Variants in SH2D4B observed in about 807,000 individuals in gnomAD.
SH2D4B encodes SH2 domain-containing protein 4B.
Under a neutral mutation model 61.5 loss-of-function variants are expected in SH2D4B, and 45 were observed. The observed-to-expected ratio is 0.73, with a 90% CI of 0.58 to 0.94. The LOEUF is 0.94. SH2D4B is among the 40% of genes least tolerant of loss of function. The probability of loss-of-function intolerance (pLI) is 0.00; values close to 1 mark genes in which losing one functional copy is unlikely to be tolerated. For synonymous variants in SH2D4B, 224 were observed against 220.4 expected, an observed-to-expected ratio of 1.02 and a Z score of -0.14; for missense variants, 572 against 574.2, an observed-to-expected ratio of 1.00 and a Z score of 0.04.
intron 1 of SH2D4B, among the ~76,000 whole-genome samples, chr10:80,544,777 A>G (rs1454723731): frequency 1.3e-5 from 2 of 152,196 alleles, no homozygotes; most frequent in East Asian, 3.8e-4. Flanking sequence ...AGACCTTTGG[A>G]CACACGAGTT....
At chr10:80,605,546 ACT>A (rs1187099923) in intron 5 of SH2D4B, among the ~76,000 whole-genome samples, 1 of 151,994 alleles carries the variant, frequency 6.6e-6, no homozygotes, top group Non-Finnish European at 1.5e-5. Flanking sequence ...ACGGAGTCTC[ACT>A]CTGTCTCCCA....
intron 3 of SH2D4B, among the ~76,000 whole-genome samples, chr10:80,585,194 C>T (rs1842229066): frequency 2.0e-5 from 3 of 152,194 alleles, no homozygotes; most frequent in Admixed American, 2.0e-4. Flanking sequence ...TTTATCCAGA[C>T]TTAAGGTTAA....
intron 6 of SH2D4B, among the ~76,000 whole-genome samples, chr10:80,613,195 G>C (rs1247913010): frequency 6.6e-6 from 1 of 152,184 alleles, no homozygotes; most frequent in Non-Finnish European, 1.5e-5. Context: ...GTTACAAAGA[G>C]TGATAGTAAT....
At chr10:80,565,395 T>A (rs1841952908) in intron 1 of SH2D4B, among the ~76,000 whole-genome samples, 1 of 151,510 alleles carries the variant, frequency 6.6e-6, no homozygotes, top group Non-Finnish European at 1.5e-5. Flanking sequence ...TTTTCCTTTT[T>A]TTTTTTCTTT....
intron 3 of SH2D4B, among the ~76,000 whole-genome samples, chr10:80,587,010 C>T (rs370191653): frequency 5.3e-5 from 8 of 152,002 alleles, no homozygotes; most frequent in Admixed American, 2.6e-4. Flanking sequence ...CGAACACATC[C>T]GAACATCAGA....
intron 1 of SH2D4B, among the ~76,000 whole-genome samples, chr10:80,568,859 T>C (rs1842003981): frequency 2.0e-5 from 3 of 152,196 alleles, no homozygotes. Context: ...TAATGTTCTA[T>C]TTTTCAACCT....
At position 80,571,254 on chromosome 10, in the gene SH2D4B, A is replaced by G. The variant is rs78367658; in HGVS notation, c.348-177A>G. On this transcript the variant is annotated intron_variant, in intron 2 of 7. Coordinates refer to ENST00000646907, the MANE Select transcript of SH2D4B (RefSeq NM_001388272.1). Reference sequence around the variant, plus strand: ...CTAGCATAGTTTTCCTGGCTTCCAGAACAATTGTGCCGATTTACACTCCCA... The same window carrying G: ...CTAGCATAGTTTTCCTGGCTTCCAGGACAATTGTGCCGATTTACACTCCCA... 1.2e-3 allele frequency among the ~76,000 whole-genome samples: 179 copies of G among 152,328 alleles called. 2 individuals are homozygous for G. In the East Asian group the frequency reaches 0.031, roughly 27 times the overall value.
At chr10:80,555,707 C>T (rs1162683595) in intron 1 of SH2D4B, among the ~76,000 whole-genome samples, 1 of 152,174 alleles carries the variant, frequency 6.6e-6, no homozygotes, top group Non-Finnish European at 1.5e-5. Flanking sequence ...CTGAAGCTTT[C>T]CTAGTTTTAA....
rs894982446 is a variant in SH2D4B at position 80,538,791 on chromosome 10, G to A, written c.184+276G>A. ...CTTTGTCTTGTTGTGGAAGGCCCGA[G>A]TTCTGGGAAGACACCATTGAGACTT... On this transcript the variant is annotated intron_variant, in intron 1 of 7. Coordinates refer to ENST00000646907, the MANE Select transcript of SH2D4B (RefSeq NM_001388272.1). This position sits in a 1 kb window ranked among gnomAD's most constrained non-coding sequence, Gnocchi z 4.8. Among the ~76,000 whole-genome samples the A allele has an allele frequency of 1.3e-5, 2 of 152,248 alleles. No homozygotes were observed. The highest frequency in any genetic ancestry group is 4.8e-5 in the African/African-American group (2 of 41,464).
chr10:80,582,240 AG>A (rs1381351950), intron 3 of SH2D4B, among the ~76,000 whole-genome samples: 1 of 152,190 alleles, frequency 6.6e-6, no homozygotes, highest in Non-Finnish European at 1.5e-5. Flanking sequence ...GGCAGAGTGA[AG>A]GGAGCAGGAG....
rs199791688 is a variant in SH2D4B at position 80,570,134 on chromosome 10, T to A, written c.185-20T>A. 2.1e-4 allele frequency: 346 copies of A among 1,613,898 alleles called. No individual in the cohort carries two copies. The highest frequency in any genetic ancestry group is 2.7e-4 in the Non-Finnish European group (316 of 1,179,882). On this transcript the variant is annotated intron_variant, in intron 1 of 7. Coordinates refer to ENST00000646907, the MANE Select transcript of SH2D4B (RefSeq NM_001388272.1). ...GATTGAAAATCAAACTTGTTTCTTC[T>A]TCCTTCTTCTATTGTGAAGCAGCGA...
intron 6 of SH2D4B, among the ~76,000 whole-genome samples, chr10:80,619,908 G>A (rs980252181): frequency 2.0e-5 from 3 of 152,216 alleles, no homozygotes; most frequent in Admixed American, 1.3e-4. Flanking sequence ...TTTTGCAGAT[G>A]TTTGCAGCCA....
At chr10:80,553,505 C>A (rs569974959) in intron 1 of SH2D4B, among the ~76,000 whole-genome samples, 2 of 152,102 alleles carry the variant, frequency 1.3e-5, no homozygotes, top group South Asian at 4.1e-4. Context: ...GGAGGTGGGG[C>A]GTTGTGGATT....
chr10:80,561,957 C>T (rs1445577098), intron 1 of SH2D4B, among the ~76,000 whole-genome samples: 1 of 151,954 alleles, frequency 6.6e-6, no homozygotes, highest in Non-Finnish European at 1.5e-5. Context: ...GAGTAATCCA[C>T]CTGCTTTCTA....
intron 1 of SH2D4B, among the ~76,000 whole-genome samples, chr10:80,545,349 C>T (rs1841659889): frequency 6.6e-6 from 1 of 151,920 alleles, no homozygotes; most frequent in Admixed American, 6.6e-5. Context: ...CTCTCTTCCT[C>T]TTCTTCCTTT....
In SH2D4B at chr10:80,580,972, G is replaced by A. The variant is rs571412512; in HGVS notation, c.496-7658G>A. On this transcript the variant is annotated intron_variant, in intron 3 of 7. Transcript: ENST00000646907. ...GTATTAGATGGCTCAGAGAATTCTG[G>A]TAGTTGCAACAGCAATGAGAATTTT... is the stretch of plus-strand genomic sequence containing the variant. Among the ~76,000 whole-genome samples the A allele has an allele frequency of 2.9e-4, 44 of 152,340 alleles. No individual in the cohort carries two copies. In the South Asian group the frequency reaches 8.7e-3, roughly 30 times the overall value.
chr10:80,616,007 T>C (rs763356557), intron 6 of SH2D4B, among the ~76,000 whole-genome samples: 7 of 152,178 alleles, frequency 4.6e-5, no homozygotes, highest in Non-Finnish European at 8.8e-5. Context: ...GCAAGGTGGT[T>C]CATCTCTTTA....
In SH2D4B at chr10:80,646,342, G is replaced by C. The variant is rs1039855308; in HGVS notation, c.*2257G>C. The C allele has an allele frequency of 6.6e-6, 1 of 152,580 alleles. No individual in the cohort carries two copies. Among genetic ancestry groups the C allele is most frequent in the African/African-American group, 2.4e-5 (1 of 41,420 alleles). The allele number at this position is 152,580 out of a possible 1,614,324, so 9.5% of individuals were successfully genotyped here. On this transcript the variant is annotated 3_prime_UTR_variant, in exon 8 of 8. Transcript: ENST00000646907. ...TGTTCCTGTCACCCCTAATTAATAT[G>C]TGAGAGACAACAGCTGGGTTTTCCA...
rs192203337 is a variant in SH2D4B, at chr10:80,622,585, C to T, written c.989-11700C>T. 4.6e-3 allele frequency among the ~76,000 whole-genome samples: 704 copies of T among 152,236 alleles called. 1 individual carries two copies. The highest frequency in any genetic ancestry group is 6.9e-3 in the Non-Finnish European group (469 of 68,016). On this transcript the variant is annotated intron_variant, in intron 6 of 7. Transcript: ENST00000646907. ...CTTTCCTCTATTTGCCTGTATTTTG[C>T]TCAATTTTGATTTCACTCACAGTGG...
Sources: gnomAD v4.1 joint callset for allele counts (sites outside exome capture counted in the v4.1 genomes callset) on GRCh38, gnomAD v4.1.1 for gene constraint, Gnocchi (gnomAD v3.1) non-coding constraint, MANE v1.5 for transcripts, NCBI Gene and HGNC (gene_info 2026-07-23, HGNC 2026-07-21) for gene names.